The following SFSWAP variants were observed in gnomAD, a reference collection of about 807,000 sequenced individuals.
SFSWAP encodes splicing factor SWAP.
In SFSWAP, 17 loss-of-function variants were observed where a neutral mutation model predicts 100.7. That is an observed-to-expected ratio of 0.17 (90% CI 0.12 to 0.25). The LOEUF (loss-of-function observed/expected upper bound fraction) is 0.25, where lower values mean the gene tolerates loss of function less well. SFSWAP is among the 10% of genes least tolerant of loss of function. SFSWAP has a pLI of 1.00. For missense variants in SFSWAP, 1,005 were observed against 1,262.6 expected (o/e 0.80, Z 3.09); for synonymous variants, 504 against 510.1 (o/e 0.99, Z 0.16).
chr12:131,766,550 G>A (rs1161109284), intron 13 of SFSWAP, among the ~76,000 whole-genome samples: 1 of 152,248 alleles, frequency 6.6e-6, no homozygotes, highest in African/African-American at 2.4e-5. Context: ...TTTCAGGGGA[G>A]CCTCTGCTTC....
At chr12:131,738,885 C>CTTTTTTTTTTCTTTT (rs1880307077) in intron 7 of SFSWAP, among the ~76,000 whole-genome samples, 1 of 48,718 alleles carries the variant, frequency 2.1e-5, no homozygotes, top group African/African-American at 5.8e-5. Context: ...GAACATTATT[C>CTTTTTTTTTTCTTTT]TTTTTTTTTT....
At chr12:131,748,523 T>TACC (rs936179812) in intron 7 of SFSWAP, among the ~76,000 whole-genome samples, 7 of 152,208 alleles carry the variant, frequency 4.6e-5, no homozygotes, top group Admixed American at 1.3e-4. Flanking sequence ...GAAAGGTGGT[T>TACC]GCTCACCAAT....
intron 15 of SFSWAP, among the ~76,000 whole-genome samples, chr12:131,793,208 C>T (rs1451291716): frequency 2.0e-5 from 3 of 152,064 alleles, no homozygotes; most frequent in Non-Finnish European, 2.9e-5. Flanking sequence ...ATCCTCCCAC[C>T]TCAGCTGGGA....
At chr12:131,772,302 C>T (rs1350739547) in intron 13 of SFSWAP, among the ~76,000 whole-genome samples, 3 of 152,136 alleles carry the variant, frequency 2.0e-5, no homozygotes, top group South Asian at 2.1e-4. Context: ...TCCCGTTGAT[C>T]GTTAGGAAAG....
chr12:131,755,228 CCT>C (rs1304207619), intron 9 of SFSWAP, among the ~76,000 whole-genome samples, 156 bp from the exon 10 acceptor site: 4 of 152,158 alleles, frequency 2.6e-5, no homozygotes, highest in African/African-American at 7.2e-5. Context: ...ATTTCGACCC[CCT>C]GTGTGCAGTC....
In SFSWAP at chr12:131,719,417, G is replaced by T. The variant is rs185675390; in HGVS notation, c.521-37G>T. 5.7e-5 allele frequency: 88 copies of T among 1,533,038 alleles called. No individual in the cohort carries two copies. The African/African-American group carries it at 1.1e-3, about 20-fold the overall frequency. The allele number at this position is 1,533,038 out of a possible 1,614,324, so 95.0% of individuals were successfully genotyped here. A position where few individuals can be genotyped will look rare whatever the true frequency, so the allele number is the denominator to read the frequency against. On this transcript the variant is annotated intron_variant, in intron 3 of 17. Transcript: ENST00000261674. The stretch of plus-strand genomic sequence containing the variant: ...GCTGTTAGCAGGTGCCTTCCTCCCT[G>T]CATTGTTCTGAATTTTTTAATTTTC...
intron 11 of SFSWAP, among the ~76,000 whole-genome samples, chr12:131,759,590 G>C (rs748303944): frequency 5.3e-5 from 8 of 152,046 alleles, no homozygotes; most frequent in Non-Finnish European, 1.0e-4. Flanking sequence ...ACGAGGTCAG[G>C]AGATCGAGAC....
At chr12:131,746,913 G>C (rs1881160943) in intron 7 of SFSWAP, among the ~76,000 whole-genome samples, 1 of 152,076 alleles carries the variant, frequency 6.6e-6, no homozygotes, top group African/African-American at 2.4e-5. Flanking sequence ...GACCATCCTG[G>C]CTAACACGGT....
intron 7 of SFSWAP, among the ~76,000 whole-genome samples, chr12:131,729,617 T>C (rs895018411): frequency 6.6e-6 from 1 of 152,136 alleles, no homozygotes; most frequent in African/African-American, 2.4e-5. Flanking sequence ...AAGGTAAGTC[T>C]TGAAGGTCCA....
chr12:131,787,689 A>G (rs1884989732), intron 15 of SFSWAP, among the ~76,000 whole-genome samples: 1 of 152,084 alleles, frequency 6.6e-6, no homozygotes, highest in Non-Finnish European at 1.5e-5. Flanking sequence ...GATCACCCAC[A>G]CACTGGGACC....
intron 14 of SFSWAP, chr12:131,785,097 G>T: frequency 1.3e-6 from 2 of 1,535,600 alleles, no homozygotes; most frequent in Non-Finnish European, 1.7e-6. Flanking sequence ...CAGGGACGCT[G>T]CGCGCGGAGC....
Position 131,714,326 on chromosome 12 carries a change from A to G in SFSWAP, c.388+86A>G. 8.8e-7 allele frequency: 1 copy of G among 1,132,044 alleles called. No homozygotes were observed. The highest frequency in any genetic ancestry group is 1.3e-6 in the Non-Finnish European group (1 of 792,850). The allele number at this position is 1,132,044 out of a possible 1,614,324, so 70.1% of individuals were successfully genotyped here. On this transcript the variant is annotated intron_variant, in intron 2 of 17. Coordinates refer to ENST00000261674, the MANE Select transcript of SFSWAP (RefSeq NM_004592.4). This position sits in a 1 kb window ranked among gnomAD's most constrained non-coding sequence, Gnocchi z 6.0. ...AATTTACTCCCATTCATTTTTTTAT[A>G]CTCACTCTTTCTGATATTATCTTGA...
intron 7 of SFSWAP, among the ~76,000 whole-genome samples, chr12:131,748,866 T>C (rs1566024996): frequency 6.6e-6 from 1 of 152,236 alleles, no homozygotes; most frequent in African/African-American, 2.4e-5. Context: ...TAGGCTTTCG[T>C]AGTACTCATA....
chr12:131,775,184 G>A (rs1036575546), intron 13 of SFSWAP, among the ~76,000 whole-genome samples: 2 of 152,172 alleles, frequency 1.3e-5, no homozygotes, highest in Non-Finnish European at 2.9e-5. Context: ...AGTAAATGAG[G>A]AGAGTTCTTC....
At chr12:131,744,040 C>T (rs536734109) in intron 7 of SFSWAP, among the ~76,000 whole-genome samples, 36 of 152,344 alleles carry the variant, frequency 2.4e-4, no homozygotes, top group East Asian at 3.9e-4. Context: ...AGGCTGCACA[C>T]GGCACAGGGA....
chr12:131,753,618 A>G (rs1257888790), intron 8 of SFSWAP: 2 of 526,078 alleles, frequency 3.8e-6, no homozygotes, highest in Admixed American at 6.5e-5. Context: ...CTGGCCCCAG[A>G]TCTCCAGCAT....
chr12:131,754,372 C>G lies in SFSWAP; in HGVS notation c.1327C>G (p.Leu443Val), dbSNP rs1166624131. Reference protein sequence around the residue: ...ATSTTTTTSALAPVAAIIPPP... With the variant: ...ATSTTTTTSAVAPVAAIIPPP... Reference sequence around the variant, plus strand: ...TCACAGACTCTTCTCCTGCAGTGCACTTGCCCCCGTGGCCGCCATCATCCC... The same window carrying G: ...TCACAGACTCTTCTCCTGCAGTGCAGTTGCCCCCGTGGCCGCCATCATCCC... Residue 443 changes from leucine to valine, a missense_variant, in exon 9 of 18, where the codon CTT (leucine) becomes GTT (valine). Leu to Val is a conservative substitution (Grantham distance 32). Around this residue, in one of 7 missense-constraint regions of SFSWAP, gnomAD observed 311 missense variants for 317.8 expected, o/e 0.98. Transcript: ENST00000261674. 6.4e-7 allele frequency: 1 copy of G among 1,566,348 alleles called. No homozygotes were observed. The highest frequency in any genetic ancestry group is 1.2e-5 in the South Asian group (1 of 83,892).
At chr12:131,748,280 G>A (rs549558549) in intron 7 of SFSWAP, among the ~76,000 whole-genome samples, 141 of 144,580 alleles carry the variant, frequency 9.8e-4, no homozygotes, top group African/African-American at 3.3e-3. Context: ...TCCACCTCCC[G>A]GGTTCAAGTG....
In SFSWAP at chr12:131,711,373, C is replaced by G. The variant is rs765350947; in HGVS notation, c.144C>G (p.Asp48Glu). ...ATGCCTGCAAGCTGTTCCGGGACGA[C>G]GAGCGGGCCCTGGCTCAGGAACAGG... ...FGYACKLFRD[D>E]ERALAQEQGQ... The change falls in exon 1 of 18, where the codon GAC (aspartate) becomes GAG (glutamate). Residue 48 changes from aspartate to glutamate, a missense_variant. This residue lies in a region of SFSWAP where 237 missense variants were observed against 337.0 expected (regional missense o/e 0.70). Coordinates refer to ENST00000261674, the MANE Select transcript of SFSWAP (RefSeq NM_004592.4). The surrounding 1 kb of genome is among the most constrained non-coding windows in gnomAD (Gnocchi z 4.9). 6.2e-7 allele frequency: 1 copy of G among 1,613,972 alleles called. No individual in the cohort carries two copies. The highest frequency in any genetic ancestry group is 8.5e-7 in the Non-Finnish European group (1 of 1,180,028).
Sources: allele counts gnomAD v4.1 joint callset (sites outside exome capture counted in the v4.1 genomes callset), GRCh38; gene constraint gnomAD v4.1.1; regional missense constraint gnomAD v4.1.1; non-coding constraint Gnocchi (gnomAD v3.1); transcripts MANE v1.5; gene names NCBI Gene and HGNC (gene_info 2026-07-23, HGNC 2026-07-21).